Variants in RGS6 observed in about 807,000 individuals in gnomAD.
RGS6 encodes regulator of G-protein signaling 6.
RGS6 carries 30 observed loss-of-function variants against 78.5 expected under a neutral mutation model. That is an observed-to-expected ratio of 0.38 (90% CI 0.29 to 0.52). The LOEUF (loss-of-function observed/expected upper bound fraction) is 0.52, where lower values mean the gene tolerates loss of function less well. Among genes scored for constraint, RGS6 ranks in the 20% least tolerant of loss-of-function variants. RGS6 has a pLI of 0.85. For missense variants in RGS6, 495 were observed against 609.7 expected, an observed-to-expected ratio of 0.81 and a Z score of 1.98; for synonymous variants, 206 against 206.0, an observed-to-expected ratio of 1.00 and a Z score of 0.00.
chr14:72,518,519 T>C lies in RGS6; in HGVS notation c.1260T>C (p.Tyr420=), dbSNP rs749956662. 6 of 1,614,192 alleles carry C rather than the reference T, an allele frequency of 3.7e-6. No homozygotes were observed. Among genetic ancestry groups the C allele is most frequent in the African/African-American group, 1.3e-5 (1 of 75,062 alleles). The part of the protein sequence containing the change: ...TSQNVKDGGR[Y]TFEDAQEHIY... ...AAAATGTCAAAGATGGAGGGAGATA[T>C]ACATTTGAAGACGCCCAGGTTTGCT... The change falls in exon 15 of 18, where the codon TAT becomes TAC. Residue 420 remains tyrosine (Y), a synonymous_variant. Coordinates refer to ENST00000553525, the MANE Select transcript of RGS6 (RefSeq NM_001204424.2).
chr14:72,495,520 T>C (rs992385796), intron 13 of RGS6, among the ~76,000 whole-genome samples: 1 of 152,154 alleles, frequency 6.6e-6, no homozygotes, highest in East Asian at 1.9e-4. Context: ...TCCCTAGTTC[T>C]GATTGCTGGA....
Position 72,518,423 on chromosome 14 carries a change from G to T in RGS6, c.1164G>T (p.Trp388Cys). Residue 388 changes from tryptophan to cysteine, a missense_variant, in exon 15 of 18, where the codon TGG becomes TGT. Transcript: ENST00000553525. Reference protein sequence around the residue: ...QDVAKRVEEIWQEFLAPGAPS... With the variant: ...QDVAKRVEEICQEFLAPGAPS... ...TGGCCAAGAGGGTAGAAGAAATCTG[G>T]CAAGAGTTTCTGGCTCCAGGGGCTC... 6.2e-7 allele frequency: 1 copy of T among 1,614,196 alleles called. No homozygotes were observed. The highest frequency in any genetic ancestry group is 8.5e-7 in the Non-Finnish European group (1 of 1,180,034).
intron 2 of RGS6, among the ~76,000 whole-genome samples, chr14:72,127,388 T>A (rs1047836679): frequency 6.6e-6 from 1 of 152,222 alleles, no homozygotes; most frequent in Non-Finnish European, 1.5e-5. Context: ...GAGATTTATA[T>A]TGCCTAAGTA....
intron 2 of RGS6, among the ~76,000 whole-genome samples, chr14:72,323,577 C>T (rs1217669370): frequency 2.0e-5 from 3 of 150,982 alleles, no homozygotes; most frequent in Non-Finnish European, 3.0e-5. Context: ...TATTGTAGTC[C>T]GGGTACCTGA....
chr14:71,893,200 G>C, the RGS6 span, among the ~76,000 whole-genome samples: 2 of 152,230 alleles, frequency 1.3e-5, no homozygotes, highest in Non-Finnish European at 1.5e-5. Flanking sequence ...AGTACAACTA[G>C]AGGGACTTCA....
chr14:72,070,020 A>G (rs1328793388), intron 2 of RGS6, among the ~76,000 whole-genome samples: 1 of 151,954 alleles, frequency 6.6e-6, no homozygotes, highest in Non-Finnish European at 1.5e-5. Flanking sequence ...ACTGTCTTGG[A>G]TTTTGTCTAA....
chr14:72,033,680 A>T (rs943259465), intron 2 of RGS6, among the ~76,000 whole-genome samples: 4 of 152,222 alleles, frequency 2.6e-5, no homozygotes, highest in Admixed American at 2.6e-4. Context: ...TCTGCTGAAT[A>T]CATATCACAT....
At chr14:72,304,114 A>G (rs539464646) in intron 2 of RGS6, among the ~76,000 whole-genome samples, 12 of 152,248 alleles carry the variant, frequency 7.9e-5, no homozygotes, top group African/African-American at 2.2e-4. Context: ...CCTTGTTACT[A>G]CATAGCCGGC....
chr14:72,052,887 T>C (rs982578294), intron 2 of RGS6, among the ~76,000 whole-genome samples: 2 of 152,170 alleles, frequency 1.3e-5, no homozygotes, highest in African/African-American at 4.8e-5. Context: ...ATGTGTCTAA[T>C]GTCCAGGACA....
chr14:72,326,040 A>C (rs1289658392), intron 2 of RGS6, among the ~76,000 whole-genome samples: 2 of 152,246 alleles, frequency 1.3e-5, no homozygotes, highest in Non-Finnish European at 2.9e-5. Context: ...CACTTCTAGG[A>C]ATTCCTCCTA....
At chr14:72,172,852 G>A (rs2097045343) in intron 2 of RGS6, among the ~76,000 whole-genome samples, 1 of 152,290 alleles carries the variant, frequency 6.6e-6, no homozygotes, top group African/African-American at 2.4e-5. Flanking sequence ...GGGGTAAAGC[G>A]CTTCTGATGA....
At chr14:72,110,151 G>C (rs1375218975) in intron 2 of RGS6, among the ~76,000 whole-genome samples, 1 of 152,160 alleles carries the variant, frequency 6.6e-6, no homozygotes, top group Non-Finnish European at 1.5e-5. Context: ...CAGATAACTT[G>C]CTGTATTCCA....
intron 6 of RGS6, among the ~76,000 whole-genome samples, chr14:72,463,599 C>T (rs1480769346): frequency 6.6e-6 from 1 of 152,254 alleles, no homozygotes. Context: ...TGGGATGACT[C>T]TGCCTGCATA....
rs147937520 is a variant in RGS6, at chr14:72,099,960, G to A, written c.84+135085G>A. ...GAAAGATCCTAAACATGGGAATGTC[G>A]TAATCAGGTTGCTGTTTCATGGATT... is the stretch of plus-strand genomic sequence containing the variant. On this transcript the variant is annotated intron_variant, in intron 2 of 17. Transcript: ENST00000553525. Among the ~76,000 whole-genome samples, 471 of 152,174 alleles carry A rather than the reference G, an allele frequency of 3.1e-3. 12 individuals carry two copies. The highest frequency in any genetic ancestry group is 0.02 in the Admixed American group (307 of 15,290).
intron 2 of RGS6, among the ~76,000 whole-genome samples, chr14:72,255,776 C>A (rs1331305333): frequency 6.6e-6 from 1 of 152,146 alleles, no homozygotes; most frequent in Non-Finnish European, 1.5e-5. Context: ...ATTTGGAAAA[C>A]TTTTATTTGC....
At chr14:71,904,135 C>G in the RGS6 span, among the ~76,000 whole-genome samples, 3 of 152,260 alleles carry the variant, frequency 2.0e-5, no homozygotes, top group East Asian at 5.8e-4. Context: ...CTTCTGCTAT[C>G]CAGCGTCTAT....
intron 2 of RGS6, among the ~76,000 whole-genome samples, chr14:72,251,050 T>C (rs1052672154): frequency 2.0e-5 from 3 of 152,166 alleles, no homozygotes; most frequent in Non-Finnish European, 2.9e-5. Flanking sequence ...CCAGAGATGG[T>C]GGATGCATGA....
chr14:72,046,202 G>GT (rs199993157), intron 2 of RGS6, among the ~76,000 whole-genome samples: 3,059 of 40,642 alleles, frequency 0.075, 96 homozygotes, highest in East Asian at 0.22. Flanking sequence ...TTTCATTGTT[G>GT]GGTTTTTTTT....
chr14:72,596,442 CT>C, the RGS6 span, among the ~76,000 whole-genome samples: 5 of 151,978 alleles, frequency 3.3e-5, no homozygotes, highest in Admixed American at 6.6e-5. Context: ...TAATTTCCCC[CT>C]CATCATGAAA....
Sources: gnomAD v4.1 joint callset for allele counts (sites outside exome capture counted in the v4.1 genomes callset) on GRCh38, gnomAD v4.1.1 for gene constraint, MANE v1.5 for transcripts, NCBI Gene and HGNC (gene_info 2026-07-23, HGNC 2026-07-21) for gene names.